Variants in MANBA observed in about 807,000 individuals in gnomAD.
MANBA encodes mannosidase beta, also known as beta-mannosidase.
A neutral mutation model predicts 111.1 loss-of-function variants in MANBA; 83 were observed. That is an observed-to-expected ratio of 0.75 (90% CI 0.63 to 0.90). The LOEUF is 0.90. MANBA is among the 40% of genes least tolerant of loss of function. The probability of loss-of-function intolerance (pLI) is 0.00; values close to 1 mark genes in which losing one functional copy is unlikely to be tolerated. For missense variants in MANBA, 1,036 were observed against 1,069.0 expected (o/e 0.97, Z 0.43); for synonymous variants, 370 against 378.7 (o/e 0.98, Z 0.27).
At chr4:102,747,042 C>T (rs1054635406) in intron 1 of MANBA, among the ~76,000 whole-genome samples, 1 of 151,678 alleles carries the variant, frequency 6.6e-6, no homozygotes, top group African/African-American at 2.4e-5. Flanking sequence ...GCAGCCAACT[C>T]CAGAAACCCC....
At chr4:102,673,792 C>T (rs1016540403) in intron 8 of MANBA, 127 bp downstream of exon 8, 9 of 834,336 alleles carry the variant, frequency 1.1e-5, no homozygotes, top group African/African-American at 1.0e-4. Flanking sequence ...AAGTTTCCAT[C>T]GTCTAGAATT....
intron 13 of MANBA, among the ~76,000 whole-genome samples, chr4:102,642,135 T>C (rs1187374050): frequency 6.6e-6 from 1 of 152,116 alleles, no homozygotes; most frequent in Non-Finnish European, 1.5e-5. Flanking sequence ...TGTACAATCC[T>C]AGTTCCCTGG....
At chr4:102,691,801 C>T (rs190736155) in intron 5 of MANBA, among the ~76,000 whole-genome samples, 50 of 152,270 alleles carry the variant, frequency 3.3e-4, no homozygotes, top group South Asian at 1.7e-3. Flanking sequence ...AGCCACCATG[C>T]CTGGCCAAGG....
chr4:102,752,711 C>T, intron 1 of MANBA: 1 of 436,100 alleles, frequency 2.3e-6, no homozygotes, highest in Non-Finnish European at 4.6e-6. Context: ...TGAAATTATA[C>T]TGATGCAGAT....
At chr4:102,642,445 A>T (rs575265504) in intron 13 of MANBA, among the ~76,000 whole-genome samples, 1 of 152,282 alleles carries the variant, frequency 6.6e-6, no homozygotes, top group Admixed American at 6.5e-5. Flanking sequence ...GTCTCTACTA[A>T]AAATACAAAA....
chr4:102,664,638 C>G (rs1477702060), intron 11 of MANBA, 47 bp downstream of exon 11: 2 of 1,551,116 alleles, frequency 1.3e-6, no homozygotes, highest in African/African-American at 2.7e-5. Context: ...ACGCCCAGCC[C>G]TAAAGATACA....
chr4:102,708,037 G>T (rs532310314), intron 5 of MANBA, among the ~76,000 whole-genome samples: 54 of 152,208 alleles, frequency 3.5e-4, no homozygotes, highest in South Asian at 8.3e-4. Context: ...TCTAAAGACA[G>T]ATAGATTCCA....
At chr4:102,734,934 T>G (rs79336745) in intron 1 of MANBA, among the ~76,000 whole-genome samples, 3 of 152,230 alleles carry the variant, frequency 2.0e-5, no homozygotes, top group Admixed American at 6.5e-5. Context: ...TGTCCAGCCT[T>G]GAGTCACCCC....
At chr4:102,706,645 A>C (rs1242360384) in intron 5 of MANBA, among the ~76,000 whole-genome samples, 3 of 152,226 alleles carry the variant, frequency 2.0e-5, no homozygotes, top group Non-Finnish European at 1.5e-5. Flanking sequence ...AGAATTCAAA[A>C]TAAGGAAATT....
In MANBA at chr4:102,760,707, G is replaced by T; in HGVS notation, c.177+11C>A. 6.6e-7 allele frequency: 1 copy of T among 1,520,206 alleles called. No homozygotes were observed. The highest frequency in any genetic ancestry group is 1.4e-5 in the African/African-American group (1 of 72,542). The allele number at this position is 1,520,206 out of a possible 1,614,324, so 94.2% of individuals were successfully genotyped here. A position where few individuals can be genotyped will look rare whatever the true frequency, so the allele number is the denominator to read the frequency against. On this transcript the variant is annotated intron_variant, in intron 1 of 16. Coordinates refer to ENST00000647097, the MANE Select transcript of MANBA (RefSeq NM_005908.4). The stretch of plus-strand genomic sequence containing the variant: ...GGCGCAGGCTCGCCGCGGGTCGGCC[G>T]CACGCCATACCTGGATCAGGCCCTG...
chr4:102,689,799 T>G lies in MANBA; in HGVS notation c.850-115A>C. On this transcript the variant is annotated intron_variant, in intron 6 of 16. Transcript: ENST00000647097. ...TACAAAACTCTAGGTTCTAAAACAATGTAAGTCTCCCCACCTATATTATGC... is the reference window on the plus strand; with the variant it reads ...TACAAAACTCTAGGTTCTAAAACAAGGTAAGTCTCCCCACCTATATTATGC... The G allele has an allele frequency of 4.3e-6, 3 of 700,640 alleles. No homozygotes were observed. The Admixed American group carries it at 6.3e-5, about 15-fold the overall frequency. 43.4% of individuals were successfully genotyped at this position (700,640 alleles called of 1,614,324 possible). A position where few individuals can be genotyped will look rare whatever the true frequency, so the allele number is the denominator to read the frequency against.
At chr4:102,634,234 T>C (rs1270633982) in intron 16 of MANBA, among the ~76,000 whole-genome samples, 2 of 152,184 alleles carry the variant, frequency 1.3e-5, no homozygotes, top group Non-Finnish European at 2.9e-5. Context: ...ATCTTGGCAA[T>C]TATAAAAAGA....
intron 11 of MANBA, among the ~76,000 whole-genome samples, chr4:102,663,412 A>G (rs1731059420): frequency 6.6e-6 from 1 of 152,226 alleles, no homozygotes; most frequent in Admixed American, 6.5e-5. Context: ...CTCAGAAACT[A>G]TAAATCCATC....
chr4:102,723,118 T>G (rs1722653802), intron 3 of MANBA, 77 bp from the exon 4 acceptor site: 1 of 1,311,850 alleles, frequency 7.6e-7, no homozygotes, highest in Non-Finnish European at 1.1e-6. Context: ...TAAAGGCATT[T>G]TGTATGAAAG....
At chr4:102,706,675 C>T (rs1429768012) in intron 5 of MANBA, among the ~76,000 whole-genome samples, 2 of 151,098 alleles carry the variant, frequency 1.3e-5, no homozygotes, top group African/African-American at 2.4e-5. Context: ...CATTGAGATG[C>T]AAGATAACTC....
At chr4:102,682,146 C>CAAAAAAAAAAAAAAAAAAAAAACAAAAAA (rs1244673574) in intron 7 of MANBA, among the ~76,000 whole-genome samples, 1 of 62,302 alleles carries the variant, frequency 1.6e-5, no homozygotes, top group Non-Finnish European at 3.5e-5. Context: ...AACTCTGTCT[C>CAAAAAAAAAAAAAAAAAAAAAACAAAAAA]AAAAAAAAAA....
chr4:102,709,073 T>C (rs188390746), intron 5 of MANBA, among the ~76,000 whole-genome samples: 3 of 151,846 alleles, frequency 2.0e-5, no homozygotes, highest in African/African-American at 7.2e-5. Context: ...TTCCAACACT[T>C]TGGGAGGCCA....
In MANBA at chr4:102,760,775, C is replaced by A. The variant is rs1373838394; in HGVS notation, c.120G>T (p.Leu40=). The change falls in exon 1 of 17, where the codon CTG becomes CTT. Residue 40 remains leucine, a synonymous_variant. Coordinates refer to ENST00000647097, the MANE Select transcript of MANBA (RefSeq NM_005908.4). Reference sequence around the variant, plus strand: ...GCACGCAGCCAGGGACCGCCCCGGGCAGCTCCAGCGAGCCGTTCCCATTGC... The same window carrying A: ...GCACGCAGCCAGGGACCGCCCCGGGAAGCTCCAGCGAGCCGTTCCCATTGC... The part of the protein sequence containing the change: ...SICNGNGSLE[L]PGAVPGCVHS... 8 of 1,551,458 alleles carry A rather than the reference C, an allele frequency of 5.2e-6. No homozygotes were observed. In the African/African-American group the frequency reaches 1.1e-4, roughly 21 times the overall value.
At chr4:102,743,367 C>G (rs1723478090) in intron 1 of MANBA, among the ~76,000 whole-genome samples, 1 of 152,202 alleles carries the variant, frequency 6.6e-6, no homozygotes, top group South Asian at 2.1e-4. Context: ...CTTGAAGTCC[C>G]ACCCACTGAG....
Sources: gnomAD v4.1 joint callset for allele counts (sites outside exome capture counted in the v4.1 genomes callset) on GRCh38, gnomAD v4.1.1 for gene constraint, MANE v1.5 for transcripts, NCBI Gene and HGNC (gene_info 2026-07-23, HGNC 2026-07-21) for gene names.